MAP2: variants seen among roughly 807,000 people sequenced by gnomAD.
MAP2 encodes microtubule-associated protein 2.
MAP2 carries 14 observed loss-of-function variants against 137.6 expected under a neutral mutation model. The ratio of observed to expected loss-of-function variants is 0.10; its 90% CI spans 0.07 to 0.16. The LOEUF (loss-of-function observed/expected upper bound fraction) is 0.16. MAP2 is among the 10% of genes least tolerant of loss of function. The pLI is 1.00. For synonymous variants in MAP2, 786 were observed against 782.3 expected (o/e 1.00, Z -0.08); for missense variants, 2,088 against 2,191.5 (o/e 0.95, Z 0.94).
intron 1 of MAP2, among the ~76,000 whole-genome samples, chr2:209,490,970 T>C (rs2059038218): frequency 2.0e-5 from 3 of 151,990 alleles, no homozygotes; most frequent in Non-Finnish European, 4.4e-5. Context: ...TCTATAGAAC[T>C]CTCCACCCCA....
chr2:209,589,585 A>T (rs1244164863), intron 3 of MAP2, among the ~76,000 whole-genome samples: 1 of 152,212 alleles, frequency 6.6e-6, no homozygotes, highest in Non-Finnish European at 1.5e-5. Flanking sequence ...GCATGGATTT[A>T]TGTAAATACT....
At chr2:209,478,469 G>A (rs1280164237) in intron 1 of MAP2, among the ~76,000 whole-genome samples, 1 of 152,136 alleles carries the variant, frequency 6.6e-6, no homozygotes, top group Admixed American at 6.5e-5. Context: ...CTACTGCCAA[G>A]TTGAAAATGT....
chr2:209,633,197 C>T (rs528377157), intron 4 of MAP2, among the ~76,000 whole-genome samples: 1 of 152,254 alleles, frequency 6.6e-6, no homozygotes, highest in Non-Finnish European at 1.5e-5. Context: ...TTCCGTTACT[C>T]CTGTCTAAAT....
chr2:209,608,729 A>G (rs1559401090), intron 3 of MAP2, among the ~76,000 whole-genome samples: 1 of 152,136 alleles, frequency 6.6e-6, no homozygotes, highest in Non-Finnish European at 1.5e-5. Context: ...CTGTATGCTG[A>G]AATAAATATA....
Position 209,693,647 on chromosome 2 carries a change from A to G in MAP2, c.1477A>G (p.Met493Val), listed in dbSNP as rs1258234928. 3.7e-6 allele frequency: 6 copies of G among 1,613,986 alleles called. No individual in the cohort carries two copies. The highest frequency in any genetic ancestry group is 1.1e-5 in the South Asian group (1 of 91,082). Reference sequence around the variant, plus strand: ...GAAAGACCAAGAGCCTACCACAGATATGTTGAAACAGGACTCGTTCCCTGT... The same window carrying G: ...GAAAGACCAAGAGCCTACCACAGATGTGTTGAAACAGGACTCGTTCCCTGT... ...EQKDQEPTTDMLKQDSFPVSL... is the reference protein window; with the variant it reads ...EQKDQEPTTDVLKQDSFPVSL... Residue 493 changes from methionine (M) to valine (V), a missense_variant, in exon 8 of 16, where the codon ATG becomes GTG. Coordinates refer to ENST00000682079, the MANE Select transcript of MAP2 (RefSeq NM_001375505.1).
chr2:209,434,834 TATATATATATATATG>T (rs1559156764), intron 1 of MAP2, among the ~76,000 whole-genome samples: 1 of 67,310 alleles, frequency 1.5e-5, no homozygotes, highest in African/African-American at 1.3e-4. Flanking sequence ...TCTCTCTCTC[TATATATATATATATG>T]TTATATATAT....
chr2:209,676,724 T>C (rs953615281), intron 5 of MAP2, among the ~76,000 whole-genome samples: 1 of 2,406 alleles, frequency 4.2e-4, no homozygotes, highest in African/African-American at 1.0e-3. Context: ...AAAGGTCATA[T>C]ATATATATAT....
At position 209,694,377 on chromosome 2, in the gene MAP2, G is replaced by A; in HGVS notation, c.2207G>A (p.Ser736Asn). Residue 736 changes from serine to asparagine, a missense_variant, in exon 8 of 16, where the codon AGT becomes AAT. This residue lies in a region of MAP2 where 500 missense variants were observed against 482.9 expected (regional missense o/e 1.04). Transcript: ENST00000682079. Reference protein sequence around the residue: ...PLASDILTNTSGSMDEGDDYL... With the variant: ...PLASDILTNTNGSMDEGDDYL... The stretch of plus-strand genomic sequence containing the variant: ...GCTTCCGATATTCTAACCAACACTA[G>A]TGGAAGTATGGATGAAGGGGATGAT... 1 of 1,614,084 alleles carries A rather than the reference G, an allele frequency of 6.2e-7. No homozygotes were observed. The highest frequency in any genetic ancestry group is 8.5e-7 in the Non-Finnish European group (1 of 1,179,996).
chr2:209,723,293 T>C (rs2153807846), intron 13 of MAP2, among the ~76,000 whole-genome samples: 1 of 152,318 alleles, frequency 6.6e-6, no homozygotes, highest in African/African-American at 2.4e-5. Context: ...ACAACATTGG[T>C]AGCCTCCCCA....
chr2:209,692,222 T>G (rs10183604), intron 7 of MAP2, among the ~76,000 whole-genome samples: 19,980 of 151,960 alleles, frequency 0.13, 1,854 homozygotes, highest in African/African-American at 0.25. Context: ...ATATATTCTT[T>G]TGTACCCTAA....
chr2:209,660,888 C>T (rs2043245974), intron 5 of MAP2, among the ~76,000 whole-genome samples: 1 of 149,562 alleles, frequency 6.7e-6, no homozygotes, highest in African/African-American at 2.5e-5. Flanking sequence ...GTGCCCGCCA[C>T]CACGCCCGGC....
chr2:209,692,134 A>G (rs2153713546), intron 7 of MAP2, among the ~76,000 whole-genome samples: 1 of 152,272 alleles, frequency 6.6e-6, no homozygotes, highest in East Asian at 1.9e-4. Context: ...CCCATAGCCT[A>G]CCAATTCATT....
At chr2:209,479,447 A>G (rs919903199) in intron 1 of MAP2, among the ~76,000 whole-genome samples, 15 of 152,148 alleles carry the variant, frequency 9.9e-5, no homozygotes, top group African/African-American at 3.6e-4. Flanking sequence ...AGGAACTATG[A>G]TAATAAAGAT....
chr2:209,530,376 C>T (rs1481761373), intron 2 of MAP2, among the ~76,000 whole-genome samples: 3 of 152,098 alleles, frequency 2.0e-5, no homozygotes, highest in Non-Finnish European at 4.4e-5. Flanking sequence ...GATTCTTTTA[C>T]TTAAGAAGAA....
At chr2:209,627,588 A>AAG (rs1227098998) in intron 4 of MAP2, among the ~76,000 whole-genome samples, 4 of 152,144 alleles carry the variant, frequency 2.6e-5, no homozygotes, top group Non-Finnish European at 5.9e-5. Context: ...CATCCCTTTC[A>AAG]GGCTCTGAAG....
chr2:209,446,878 G>A, intron 1 of MAP2, among the ~76,000 whole-genome samples: 1 of 151,896 alleles, frequency 6.6e-6, no homozygotes, highest in East Asian at 1.9e-4. Context: ...CAAAATTAAA[G>A]AGTGGTATTA....
Position 209,692,728 on chromosome 2 carries a change from T to G in MAP2, c.558T>G (p.Ser186Arg). ...AGGAAAAGGAGTCAGAGAAGCAAAGTAAGCCTGGTGAAGACCTTAAACATG... is the reference window on the plus strand; with the variant it reads ...AGGAAAAGGAGTCAGAGAAGCAAAGGAAGCCTGGTGAAGACCTTAAACATG... ...DQKEKESEKQ[S>R]KPGEDLKHAA... Residue 186 changes from serine to arginine, a missense_variant, in exon 8 of 16, where the codon AGT becomes AGG. Ser to Arg is a moderately radical substitution (Grantham distance 110). Coordinates refer to ENST00000682079, the MANE Select transcript of MAP2 (RefSeq NM_001375505.1). 1 of 1,614,038 alleles carries G rather than the reference T, an allele frequency of 6.2e-7. No individual in the cohort carries two copies. Among genetic ancestry groups the G allele is most frequent in the Non-Finnish European group, 8.5e-7 (1 of 1,179,964 alleles).
At position 209,601,336 on chromosome 2, in the gene MAP2, A is replaced by G. The variant is rs1280966456; in HGVS notation, c.-107+21236A>G. Among the ~76,000 whole-genome samples the G allele has an allele frequency of 3.3e-5, 5 of 152,240 alleles. No homozygotes were observed. The East Asian group carries it at 9.6e-4, about 29-fold the overall frequency. On this transcript the variant is annotated intron_variant, in intron 3 of 15. Coordinates refer to ENST00000682079, the MANE Select transcript of MAP2 (RefSeq NM_001375505.1). ...TTTTATTTTTAGAACATTTTCATGA[A>G]GAAGTATCTCATTCCTTTCTACATC...
At position 209,653,148 on chromosome 2, in the gene MAP2, G is replaced by C. The variant is rs751083442; in HGVS notation, c.-23G>C. 5.1e-6 allele frequency: 8 copies of C among 1,557,494 alleles called. No individual in the cohort carries two copies. The Admixed American group carries it at 1.6e-4, about 31-fold the overall frequency. On this transcript the variant is annotated 5_prime_UTR_variant, in exon 5 of 16. Coordinates refer to ENST00000682079, the MANE Select transcript of MAP2 (RefSeq NM_001375505.1). Reference sequence around the variant, plus strand: ...ACTATTTTTTCTCTTTCAGTTGCAGGAGAAATAACAAGGCATTGAAGAATG... The same window carrying C: ...ACTATTTTTTCTCTTTCAGTTGCAGCAGAAATAACAAGGCATTGAAGAATG...
Sources: allele counts gnomAD v4.1 joint callset (sites outside exome capture counted in the v4.1 genomes callset), GRCh38; gene constraint gnomAD v4.1.1; regional missense constraint gnomAD v4.1.1; transcripts MANE v1.5; gene names NCBI Gene and HGNC (gene_info 2026-07-23, HGNC 2026-07-21).